IDS: variants seen among roughly 807,000 people sequenced by gnomAD.
IDS encodes the protein alpha-L-iduronate sulfate sulfatase.
In IDS, 1 loss-of-function variant was observed where a neutral mutation model predicts 33.5. The observed-to-expected ratio is 0.03, with a 90% CI of 0.01 to 0.14. The LOEUF (loss-of-function observed/expected upper bound fraction) is 0.14, where lower values mean the gene tolerates loss of function less well. IDS is among the 10% of genes least tolerant of loss of function. The pLI, the probability that IDS is intolerant of heterozygous loss-of-function variation, is 1.00. For missense variants in IDS, 328 were observed against 448.0 expected (o/e 0.73, Z 2.42); for synonymous variants, 191 against 184.4 (o/e 1.04, Z -0.29).
intron 1 of IDS, 145 bp from the exon 2 acceptor site, chrX:149,504,438 G>A: frequency 1.6e-6 from 1 of 619,036 alleles, no homozygotes; most frequent in East Asian, 3.8e-5. Flanking sequence ...CCTCAGCAAG[G>A]GTGGGAGTGG....
rs968443951 is a variant in IDS at position 149,482,892 on chromosome X, C to A, written c.1507G>T (p.Val503Phe). 8.3e-6 allele frequency: 10 copies of A among 1,211,390 alleles called. No homozygotes were observed. Among genetic ancestry groups the A allele is most frequent in the Non-Finnish European group, 1.1e-5 (10 of 895,029 alleles). ...AGAAATTCATCAGGATTGAAGCCAACCCACACAGTATACCTATAGTCTATG... is the reference window on the plus strand; with the variant it reads ...AGAAATTCATCAGGATTGAAGCCAAACCACACAGTATACCTATAGTCTATG... Reference protein sequence around the residue: ...RTIDYRYTVWVGFNPDEFLAN... With the variant: ...RTIDYRYTVWFGFNPDEFLAN... The change falls in exon 9 of 9, where the codon GTT becomes TTT. Residue 503 changes from valine (V) to phenylalanine (F), a missense_variant. Coordinates refer to ENST00000340855, the MANE Select transcript of IDS (RefSeq NM_000202.8).
In IDS at chrX:149,480,251, C is replaced by T; in HGVS notation, c.*2495G>A. On this transcript the variant is annotated 3_prime_UTR_variant, in exon 9 of 9. Transcript: ENST00000340855. ...GAAGACACGTGGATTATTTTAGGGACAGGGGAGGAAAGAGGAGGGGTGGGT... is the reference window on the plus strand; with the variant it reads ...GAAGACACGTGGATTATTTTAGGGATAGGGGAGGAAAGAGGAGGGGTGGGT... 2 of 292,214 alleles carry T rather than the reference C, an allele frequency of 6.8e-6. No homozygotes were observed. The highest frequency in any genetic ancestry group is 1.2e-5 in the Non-Finnish European group (2 of 169,149). The allele number at this position is 292,214 out of a possible 1,213,427, so 24.1% of individuals were successfully genotyped here.
At chrX:149,501,980 A>G (rs2089484028) in intron 3 of IDS, 1 of 249,086 alleles carries the variant, frequency 4.0e-6, no homozygotes, top group Non-Finnish European at 7.8e-6. Context: ...ATGAGCCTTC[A>G]TGTCTTCCTT....
chrX:149,501,105 C>T (rs1383895855), intron 3 of IDS, 68 bp from the exon 4 acceptor site: 1 of 702,456 alleles, frequency 1.4e-6, no homozygotes, highest in Admixed American at 2.3e-5. Flanking sequence ...ATAATTAAAA[C>T]TCTGTAAACA....
Position 149,478,396 on chromosome X carries a change from G to A in IDS, c.*4350C>T, listed in dbSNP as rs901182560. ...TGGTGGATGAATGGATAAGCGGAAC[G>A]TGGTACATACATTTCAGTCCAAAAA... On this transcript the variant is annotated 3_prime_UTR_variant, in exon 9 of 9. Coordinates refer to ENST00000340855, the MANE Select transcript of IDS (RefSeq NM_000202.8). 1.3e-4 allele frequency: 14 copies of A among 111,799 alleles called. No individual in the cohort carries two copies. The highest frequency in any genetic ancestry group is 8.5e-4 in the Admixed American group (9 of 10,605). 9.2% of individuals were successfully genotyped at this position (111,799 alleles called of 1,213,427 possible).
chrX:149,496,018 G>A, intron 6 of IDS, among the ~76,000 whole-genome samples: 1 of 112,346 alleles, frequency 8.9e-6, no homozygotes, highest in East Asian at 2.8e-4. Context: ...TTAATGAGCT[G>A]TCACCTGAAC....
chrX:149,499,474 T>C (rs924577990), intron 4 of IDS: 1 of 111,596 alleles, frequency 9.0e-6, no homozygotes, highest in Non-Finnish European at 1.9e-5. Flanking sequence ...TGTATGACTC[T>C]ATTTATACCA....
rs1200372269 is a variant in IDS, at chrX:149,481,879, T to C, written c.*867A>G. On this transcript the variant is annotated 3_prime_UTR_variant, in exon 9 of 9. Coordinates refer to ENST00000340855, the MANE Select transcript of IDS (RefSeq NM_000202.8). ...GTAACCAACCATCCCTAAAGAAGGATACTAATATATTTTGAGTGATTCAAT... is the reference window on the plus strand; with the variant it reads ...GTAACCAACCATCCCTAAAGAAGGACACTAATATATTTTGAGTGATTCAAT... 1 of 112,705 alleles carries C rather than the reference T, an allele frequency of 8.9e-6. No individual in the cohort carries two copies. The highest frequency in any genetic ancestry group is 3.2e-5 in the African/African-American group (1 of 31,014). The allele number at this position is 112,705 out of a possible 1,213,427, so 9.3% of individuals were successfully genotyped here. A position where few individuals can be genotyped will look rare whatever the true frequency, so the allele number is the denominator to read the frequency against.
chrX:149,486,582 G>A (rs782348545), intron 8 of IDS, among the ~76,000 whole-genome samples: 1 of 112,116 alleles, frequency 8.9e-6, no homozygotes, highest in Admixed American at 9.4e-5. Context: ...TGTTACGGGG[G>A]CAGCCCCTTA....
chrX:149,496,255 T>C, intron 6 of IDS, 91 bp downstream of exon 6: 3 of 850,181 alleles, frequency 3.5e-6, no homozygotes, highest in Admixed American at 4.4e-5. Flanking sequence ...TAAGACATTA[T>C]AGGTGGAGTT....
chrX:149,486,470 GT>G (rs782372596), intron 8 of IDS, among the ~76,000 whole-genome samples: 102 of 111,517 alleles, frequency 9.1e-4, no homozygotes, highest in Non-Finnish European at 1.7e-3. Context: ...AGATCTAGTG[GT>G]TCACTAGATT....
rs1228806950 is a variant in IDS, at chrX:149,481,749, C to T, written c.*997G>A. Reference sequence around the variant, plus strand: ...AGATTGACAATGACCTAATATTACACTAATGAAAAGTCTTCACAGTCCTCA... The same window carrying T: ...AGATTGACAATGACCTAATATTACATTAATGAAAAGTCTTCACAGTCCTCA... On this transcript the variant is annotated 3_prime_UTR_variant, in exon 9 of 9. Coordinates refer to ENST00000340855, the MANE Select transcript of IDS (RefSeq NM_000202.8). 4.5e-5 allele frequency: 5 copies of T among 112,258 alleles called. No individual in the cohort carries two copies. Among genetic ancestry groups the T allele is most frequent in the Non-Finnish European group, 9.4e-5 (5 of 53,223 alleles). 9.3% of individuals were successfully genotyped at this position (112,258 alleles called of 1,213,427 possible). A position where few individuals can be genotyped will look rare whatever the true frequency, so the allele number is the denominator to read the frequency against.
rs782464803 is a variant in IDS, at chrX:149,484,438, C to G, written c.1181-1220G>C. Among the ~76,000 whole-genome samples, 360 of 112,472 alleles carry G rather than the reference C, an allele frequency of 3.2e-3. 1 individual carries two copies. The highest frequency in any genetic ancestry group is 0.011 in the African/African-American group (333 of 30,968). ...CCAGGTTCAAGTGATTCTCCTGCCTCAGCCTCCTGAGTAGCTGGGATTACA... is the reference window on the plus strand; with the variant it reads ...CCAGGTTCAAGTGATTCTCCTGCCTGAGCCTCCTGAGTAGCTGGGATTACA... On this transcript the variant is annotated intron_variant, in intron 8 of 8. Coordinates refer to ENST00000340855, the MANE Select transcript of IDS (RefSeq NM_000202.8).
At chrX:149,504,611 TGGAG>T (rs1217248567) in intron 1 of IDS, among the ~76,000 whole-genome samples, 1 of 108,815 alleles carries the variant, frequency 9.2e-6, no homozygotes, top group Non-Finnish European at 1.9e-5. Context: ...GATGGTTGGA[TGGAG>T]GAAGATAAGG....
chrX:149,494,036 A>AGTGAG (rs2089415655), intron 6 of IDS, among the ~76,000 whole-genome samples: 1 of 111,482 alleles, frequency 9.0e-6, no homozygotes, highest in Non-Finnish European at 1.9e-5. Context: ...GCAGAGGACA[A>AGTGAG]GTGAGGTGAG....
At chrX:149,486,806 C>A (rs782637552) in intron 8 of IDS, 119 bp downstream of exon 8, 1 of 788,131 alleles carries the variant, frequency 1.3e-6, no homozygotes, top group East Asian at 3.3e-5. Flanking sequence ...GAAATTCCAA[C>A]ACAAGGCAGG....
intron 8 of IDS, among the ~76,000 whole-genome samples, chrX:149,484,555 C>G (rs1375986341): frequency 1.8e-5 from 2 of 112,675 alleles, no homozygotes; most frequent in East Asian, 5.6e-4. Context: ...CTCCTGACCT[C>G]GTGATCCGCC....
chrX:149,496,471 C>T lies in IDS; in HGVS notation c.754G>A (p.Asp252Asn), dbSNP rs146458524. The stretch of plus-strand genomic sequence containing the variant: ...GGTAGGCCATCAGGGACCTCGGGAT[C>T]GGGGGCCAGGGTGATGTTCTCCAAG... ...YPLENITLAP[D>N]PEVPDGLPPV... The change falls in exon 6 of 9, where the codon GAT becomes AAT. Residue 252 changes from aspartate (D) to asparagine (N), a missense_variant. Physicochemically the swap from Asp to Asn is conservative, Grantham distance 23 (BLOSUM62 1). This residue lies in a region of IDS where 265 missense variants were observed against 339.2 expected (regional missense o/e 0.78). Transcript: ENST00000340855. 3,666 of 1,209,407 alleles carry T rather than the reference C, an allele frequency of 3.0e-3. 7 individuals carry two copies. The highest frequency in any genetic ancestry group is 3.0e-3 in the Non-Finnish European group (2,692 of 894,816).
At position 149,500,979 on chromosome X, in the gene IDS, A is replaced by G. The variant is rs782649306; in HGVS notation, c.477T>C (p.His159=). 1.4e-5 allele frequency: 17 copies of G among 1,180,181 alleles called. No individual in the cohort carries two copies. Among genetic ancestry groups the G allele is most frequent in the Non-Finnish European group, 1.7e-5 (15 of 868,135 alleles). Reference sequence around the variant, plus strand: ...TGTTTTCATACTTCTCAGAGGAAGGATGATAAGGTGGAAAAGACCAGCTAT... The same window carrying G: ...TGTTTTCATACTTCTCAGAGGAAGGGTGATAAGGTGGAAAAGACCAGCTAT... ...SPYSWSFPPY[H]PSSEKYENTK... is the part of the protein sequence containing the mutation. Residue 159 remains histidine (H), a synonymous_variant, in exon 4 of 9, where the codon CAT becomes CAC. Coordinates refer to ENST00000340855, the MANE Select transcript of IDS (RefSeq NM_000202.8).
Sources: allele counts gnomAD v4.1 joint callset (sites outside exome capture counted in the v4.1 genomes callset), GRCh38; gene constraint gnomAD v4.1.1; regional missense constraint gnomAD v4.1.1; transcripts MANE v1.5; gene names NCBI Gene and HGNC (gene_info 2026-07-23, HGNC 2026-07-21).